Variants in ME3 observed in about 807,000 individuals in gnomAD.
ME3 encodes the protein NADP-dependent malic enzyme, mitochondrial.
In ME3, 48 loss-of-function variants were observed where a neutral mutation model predicts 68.9. The observed-to-expected ratio is 0.70, with a 90% CI of 0.55 to 0.89. The LOEUF (loss-of-function observed/expected upper bound fraction) is 0.89. Ranked by LOEUF, ME3 falls within the 40% of genes least tolerant of loss-of-function variation. The pLI is 0.00. For synonymous variants in ME3, 320 were observed against 318.8 expected (o/e 1.00, Z -0.04); for missense variants, 675 against 797.4 (o/e 0.85, Z 1.85).
At chr11:86,447,258 A>G (rs756602568) in intron 11 of ME3, 51 bp from the exon 12 acceptor site, 2 of 1,589,084 alleles carry the variant, frequency 1.3e-6, no homozygotes, top group South Asian at 1.1e-5. Context: ...TAAACAACCC[A>G]TTCCTCTTCT....
chr11:86,473,643 G>C (rs1282308099), intron 7 of ME3, among the ~76,000 whole-genome samples: 1 of 152,198 alleles, frequency 6.6e-6, no homozygotes, highest in East Asian at 1.9e-4. Context: ...TCATAGGACA[G>C]ATAAGAGGCC....
chr11:86,570,804 G>A (rs1406847534), intron 2 of ME3, among the ~76,000 whole-genome samples: 1 of 152,140 alleles, frequency 6.6e-6, no homozygotes, highest in Non-Finnish European at 1.5e-5. Flanking sequence ...TTGGGAGATA[G>A]GATTCAATTT....
At chr11:86,644,894 G>T (rs959631609) in intron 2 of ME3, among the ~76,000 whole-genome samples, 10 of 152,170 alleles carry the variant, frequency 6.6e-5, no homozygotes, top group African/African-American at 2.2e-4. Context: ...TAGACAGTGG[G>T]TGCAGCCCAT....
chr11:86,454,248 T>A (rs1949794912), intron 8 of ME3, among the ~76,000 whole-genome samples: 1 of 152,258 alleles, frequency 6.6e-6, no homozygotes, highest in Non-Finnish European at 1.5e-5. Context: ...GAGAACTGTT[T>A]CCCCATCTAG....
At chr11:86,525,861 T>G (rs1490172791) in intron 4 of ME3, among the ~76,000 whole-genome samples, 1 of 65,690 alleles carries the variant, frequency 1.5e-5, no homozygotes, top group Admixed American at 1.4e-4. Context: ...AAACTCTGTC[T>G]CAAAAAAAAA....
intron 2 of ME3, among the ~76,000 whole-genome samples, chr11:86,658,949 T>C (rs955351494): frequency 9.2e-5 from 14 of 152,228 alleles, no homozygotes; most frequent in Non-Finnish European, 2.1e-4. Flanking sequence ...TGCTATTCAC[T>C]GTCCTTGTGA....
intron 2 of ME3, among the ~76,000 whole-genome samples, chr11:86,659,293 T>C (rs1407030667): frequency 3.3e-5 from 5 of 152,228 alleles, no homozygotes; most frequent in Non-Finnish European, 5.9e-5. Context: ...AAAAGCCCTC[T>C]GCCTAAGTTG....
At chr11:86,626,334 G>T (rs960961281) in intron 2 of ME3, among the ~76,000 whole-genome samples, 3 of 152,184 alleles carry the variant, frequency 2.0e-5, no homozygotes, top group African/African-American at 4.8e-5. Context: ...ACCTGTGAGT[G>T]GCACCCAGGG....
chr11:86,456,648 AGGGT>A (rs1383738495), intron 8 of ME3, among the ~76,000 whole-genome samples: 1 of 152,082 alleles, frequency 6.6e-6, no homozygotes, highest in Non-Finnish European at 1.5e-5. Flanking sequence ...AGGACGGAGC[AGGGT>A]GGTAGCAGAG....
intron 4 of ME3, among the ~76,000 whole-genome samples, chr11:86,554,073 ATATGTAAATT>A (rs1343993453): frequency 1.3e-5 from 2 of 152,222 alleles, no homozygotes; most frequent in African/African-American, 4.8e-5. Context: ...ATGCATTAAG[ATATGTAAATT>A]CAGTCCTGGT....
chr11:86,465,021 T>A, intron 8 of ME3, 70 bp downstream of exon 8: 1 of 1,277,614 alleles, frequency 7.8e-7, no homozygotes. Context: ...CCTCACCCCT[T>A]TGGCATCCCA....
At chr11:86,539,226 C>G (rs1445902026) in intron 4 of ME3, among the ~76,000 whole-genome samples, 1 of 152,116 alleles carries the variant, frequency 6.6e-6, no homozygotes, top group African/African-American at 2.4e-5. Context: ...TATGCAGTTT[C>G]TCCTGCTTGG....
At chr11:86,515,264 T>C (rs1240217801) in intron 4 of ME3, among the ~76,000 whole-genome samples, 3 of 152,214 alleles carry the variant, frequency 2.0e-5, no homozygotes, top group Admixed American at 2.0e-4. Context: ...TTTAATGAGC[T>C]TTTTTTGAGT....
intron 5 of ME3, among the ~76,000 whole-genome samples, chr11:86,503,508 G>C (rs575802301): frequency 3.7e-4 from 56 of 152,328 alleles, no homozygotes; most frequent in African/African-American, 1.3e-3. Context: ...GGGGCTCAGC[G>C]AGCCTTGCTT....
intron 8 of ME3, among the ~76,000 whole-genome samples, chr11:86,454,475 G>A (rs1949808613): frequency 6.6e-6 from 1 of 152,224 alleles, no homozygotes; most frequent in African/African-American, 2.4e-5. Flanking sequence ...TATTAAAAAT[G>A]ATCATCATGA....
In ME3 at chr11:86,583,122, T is replaced by C. The variant is rs143344852; in HGVS notation, c.184-23299A>G. ...AAGGGTTATGCTGTCTCTTTTGAGC[T>C]GTCCACCACCAGACCCACCCTGTTT... On this transcript the variant is annotated intron_variant, in intron 2 of 14. Transcript: ENST00000543262. 3.9e-3 allele frequency among the ~76,000 whole-genome samples: 591 copies of C among 152,278 alleles called. 6 individuals are homozygous for C. The highest frequency in any genetic ancestry group is 0.014 in the African/African-American group (577 of 41,566).
chr11:86,494,534 G>A (rs1287315579), intron 6 of ME3, among the ~76,000 whole-genome samples: 1 of 152,238 alleles, frequency 6.6e-6, no homozygotes, highest in East Asian at 1.9e-4. Flanking sequence ...ACATAGGAGG[G>A]CAGATCAGGG....
rs1949399202 is a variant in ME3, at chr11:86,447,816, C to A, written c.1237+334G>T. Among the ~76,000 whole-genome samples the A allele has an allele frequency of 2.0e-5, 3 of 148,562 alleles. No homozygotes were observed. The South Asian group carries it at 6.4e-4, about 31-fold the overall frequency. On this transcript the variant is annotated intron_variant, in intron 11 of 14. Transcript: ENST00000543262. ...GAGGTTGCAGTGAGCTGAGATCACA[C>A]CACTGCACTCCAGCCTGGACAAAAC...
intron 2 of ME3, among the ~76,000 whole-genome samples, chr11:86,571,258 G>C (rs991979896): frequency 1.3e-4 from 20 of 152,166 alleles, no homozygotes; most frequent in Non-Finnish European, 7.3e-5. Flanking sequence ...TGGATGGATG[G>C]ATTCATTCAT....
Sources: gnomAD v4.1 joint callset for allele counts (sites outside exome capture counted in the v4.1 genomes callset) on GRCh38, gnomAD v4.1.1 for gene constraint, MANE v1.5 for transcripts, NCBI Gene and HGNC (gene_info 2026-07-23, HGNC 2026-07-21) for gene names.